The following ANXA8 variants were observed in gnomAD, a reference collection of about 807,000 sequenced individuals.
ANXA8 encodes VAC-beta.
Under a neutral mutation model 26.8 loss-of-function variants are expected in ANXA8, and 9 were observed. The observed-to-expected ratio is 0.34, with a 90% CI of 0.20 to 0.59. The LOEUF (loss-of-function observed/expected upper bound fraction) is 0.59. Among genes scored for constraint, ANXA8 ranks in the 20% least tolerant of loss-of-function variants. The probability of loss-of-function intolerance (pLI) is 0.84; values close to 1 mark genes in which losing one functional copy is unlikely to be tolerated. For missense variants in ANXA8, 83 were observed against 238.5 expected, an observed-to-expected ratio of 0.35 and a Z score of 4.29; for synonymous variants, 39 against 94.8, an observed-to-expected ratio of 0.41 and a Z score of 3.42.
chr10:47,672,357 A>G, the ANXA8 span, among the ~76,000 whole-genome samples: 2 of 151,918 alleles, frequency 1.3e-5, no homozygotes, highest in Admixed American at 1.3e-4. Flanking sequence ...ATGTTAAAGA[A>G]TAATATGTTG....
At chr10:47,943,522 G>A in the ANXA8 span, among the ~76,000 whole-genome samples, 8 of 146,432 alleles carry the variant, frequency 5.5e-5, no homozygotes, top group Middle Eastern at 3.5e-3. Context: ...CTCATGGGGC[G>A]GGGAGTGGGG....
chr10:47,514,369 A>T, the ANXA8 span, among the ~76,000 whole-genome samples: 2 of 148,320 alleles, frequency 1.3e-5, no homozygotes, highest in Non-Finnish European at 3.0e-5. Context: ...CTCAGCATGG[A>T]AAACCAAATA....
At chr10:47,975,530 A>G in the ANXA8 span, among the ~76,000 whole-genome samples, 1 of 149,616 alleles carries the variant, frequency 6.7e-6, no homozygotes, top group Non-Finnish European at 1.5e-5. Context: ...GTTCAAGCAC[A>G]TGGACTTTGC....
chr10:47,707,361 T>G, the ANXA8 span, among the ~76,000 whole-genome samples: 3 of 142,774 alleles, frequency 2.1e-5, no homozygotes, highest in African/African-American at 4.9e-5. Flanking sequence ...AACCAAAAAT[T>G]GAAAAGTGGG....
upstream of ANXA8, chr10:47,484,319 G>A: frequency 1.6e-6 from 1 of 637,258 alleles, no homozygotes; most frequent in Non-Finnish European, 2.9e-6. Flanking sequence ...CCCGACCTCA[G>A]GTGATCTGCC....
chr10:47,986,737 C>CCA, the ANXA8 span: 3 of 353,396 alleles, frequency 8.5e-6, no homozygotes, highest in African/African-American at 4.4e-5. Context: ...CGGCAAGGCC[C>CCA]CGCGCGCCCG....
At chr10:47,495,283 ATT>A in the ANXA8 span, among the ~76,000 whole-genome samples, 1 of 106,094 alleles carries the variant, frequency 9.4e-6, no homozygotes, top group African/African-American at 3.1e-5. Context: ...TATTATTATT[ATT>A]ATTATTATTA....
upstream of ANXA8, among the ~76,000 whole-genome samples, chr10:47,484,942 A>T (rs1479324870): frequency 6.7e-6 from 1 of 148,458 alleles, no homozygotes; most frequent in Non-Finnish European, 1.5e-5. Context: ...GAGCCAGCCC[A>T]TTTCACCACG....
the ANXA8 span, among the ~76,000 whole-genome samples, chr10:47,680,383 C>G: frequency 1.3e-5 from 2 of 151,816 alleles, no homozygotes; most frequent in Non-Finnish European, 2.9e-5. Context: ...GCTGGTAATT[C>G]CAGCACTTTG....
chr10:47,979,024 TA>T, the ANXA8 span, among the ~76,000 whole-genome samples: 2 of 151,718 alleles, frequency 1.3e-5, no homozygotes, highest in African/African-American at 4.8e-5. Flanking sequence ...AGTGGCTAGT[TA>T]TACTAACAGT....
the ANXA8 span, among the ~76,000 whole-genome samples, chr10:47,733,027 CAG>C: frequency 8.8e-4 from 132 of 150,424 alleles, no homozygotes; most frequent in African/African-American, 3.1e-3. Flanking sequence ...AAACCCAACT[CAG>C]AGTAGCTTGA....
the ANXA8 span, chr10:47,590,434 G>C: frequency 6.8e-6 from 1 of 146,812 alleles, no homozygotes; most frequent in African/African-American, 2.7e-5. Flanking sequence ...GCCCATGAGT[G>C]GTCCCTCTTG....
At chr10:47,743,365 T>TATAC in the ANXA8 span, among the ~76,000 whole-genome samples, 1 of 37,588 alleles carries the variant, frequency 2.7e-5, no homozygotes, top group African/African-American at 6.4e-5. Context: ...CACATATATA[T>TATAC]ATATACATAT....
In ANXA8 at chr10:47,476,493, G is replaced by A. The variant is rs1839544099; in HGVS notation, c.322-171C>T. On this transcript the variant is annotated intron_variant, in intron 4 of 11. Transcript: ENST00000585281. Reference sequence around the variant, plus strand: ...CATGCTTCAGTGATGAACATTGAGGGCAAGTGCTGTGACGGGGAAGCCCTG... The same window carrying A: ...CATGCTTCAGTGATGAACATTGAGGACAAGTGCTGTGACGGGGAAGCCCTG... 2.7e-4 allele frequency among the ~76,000 whole-genome samples: 36 copies of A among 134,438 alleles called. 1 individual carries two copies. Among genetic ancestry groups the A allele is most frequent in the Non-Finnish European group, 8.0e-5 (5 of 62,654 alleles). 88.2% of individuals were successfully genotyped at this position (134,438 alleles called of 152,430 possible). A position where few individuals can be genotyped will look rare whatever the true frequency, so the allele number is the denominator to read the frequency against.
At chr10:47,722,918 C>A in the ANXA8 span, among the ~76,000 whole-genome samples, 1 of 141,106 alleles carries the variant, frequency 7.1e-6, no homozygotes, top group Admixed American at 7.2e-5. Flanking sequence ...TGAGAATGGT[C>A]GGAAAATAGT....
the ANXA8 span, chr10:47,581,638 G>T: frequency 2.9e-5 from 12 of 412,400 alleles, no homozygotes; most frequent in Admixed American, 1.7e-4. Flanking sequence ...ACGGAGTCTC[G>T]CTCTGTCACC....
chr10:47,560,693 G>A, the ANXA8 span, among the ~76,000 whole-genome samples: 224 of 152,146 alleles, frequency 1.5e-3, 1 homozygote, highest in African/African-American at 5.3e-3. Flanking sequence ...AGCGGATGGT[G>A]CAGGCTGGGT....
the ANXA8 span, among the ~76,000 whole-genome samples, chr10:47,954,368 A>G: frequency 2.6e-5 from 4 of 151,144 alleles, no homozygotes; most frequent in African/African-American, 9.8e-5. Flanking sequence ...GGAGATAGAG[A>G]GTGGAATGAT....
the ANXA8 span, among the ~76,000 whole-genome samples, chr10:47,552,638 G>C: frequency 1.3e-5 from 2 of 152,160 alleles, no homozygotes; most frequent in East Asian, 3.9e-4. Context: ...CCCTTCCAGT[G>C]ATTTCTGAGG....
Sources: gnomAD v4.1 joint callset for allele counts (sites outside exome capture counted in the v4.1 genomes callset) on GRCh38, gnomAD v4.1.1 for gene constraint, MANE v1.5 for transcripts, NCBI Gene and HGNC (gene_info 2026-07-23, HGNC 2026-07-21) for gene names.